The following TRIM37 variants were observed in gnomAD, a reference collection of about 807,000 sequenced individuals.
The protein encoded by TRIM37 is E3 ubiquitin-protein ligase TRIM37.
In TRIM37, 80 loss-of-function variants were observed where a neutral mutation model predicts 129.8. That is an observed-to-expected ratio of 0.62 (90% CI 0.51 to 0.74). The LOEUF is 0.74. Ranked by LOEUF, TRIM37 falls within the 30% of genes least tolerant of loss-of-function variation. The probability of loss-of-function intolerance (pLI) is 0.00; values close to 1 mark genes in which losing one functional copy is unlikely to be tolerated. For missense variants in TRIM37, 1,054 were observed against 1,176.5 expected (o/e 0.90, Z 1.52); for synonymous variants, 389 against 387.1 (o/e 1.00, Z -0.06).
chr17:59,019,470 G>A (rs1287952508), intron 19 of TRIM37, among the ~76,000 whole-genome samples: 3 of 152,216 alleles, frequency 2.0e-5, no homozygotes, highest in Non-Finnish European at 4.4e-5. Context: ...AGCACTTTGG[G>A]AGGCTGAGGT....
chr17:59,056,487 T>TGGGAGGCCGAGGC (rs2040880396), intron 13 of TRIM37, among the ~76,000 whole-genome samples: 1 of 151,848 alleles, frequency 6.6e-6, no homozygotes, highest in Non-Finnish European at 1.5e-5. Context: ...CCCAGCACTT[T>TGGGAGGCCGAGGC]GGGAGGCCGA....
At chr17:59,017,892 C>CT (rs1428254729) in intron 19 of TRIM37, among the ~76,000 whole-genome samples, 1 of 152,176 alleles carries the variant, frequency 6.6e-6, no homozygotes, top group East Asian at 1.9e-4. Context: ...TCCCAAAATG[C>CT]TGGGATTACA....
chr17:59,079,891 A>G lies in TRIM37; in HGVS notation c.493-14T>C. On this transcript the variant is annotated splice_polypyrimidine_tract_variant and intron_variant, in intron 6 of 23. Coordinates refer to ENST00000262294, the MANE Select transcript of TRIM37 (RefSeq NM_015294.6). ...TACATTCCTTTCCTAGAAGATAAAG[A>G]GGTAAGAATAATTTTAATTGGGTAA... is the stretch of plus-strand genomic sequence containing the variant. The G allele has an allele frequency of 6.2e-7, 1 of 1,613,172 alleles. No homozygotes were observed. The highest frequency in any genetic ancestry group is 8.5e-7 in the Non-Finnish European group (1 of 1,179,342).
intron 11 of TRIM37, among the ~76,000 whole-genome samples, 171 bp from the exon 12 acceptor site, chr17:59,061,279 A>AT (rs916947259): frequency 6.6e-6 from 1 of 152,124 alleles, no homozygotes; most frequent in Non-Finnish European, 1.5e-5. Flanking sequence ...ACTTTTGTGC[A>AT]TTAAAAAAAA....
chr17:59,064,318 C>T (rs1568143270), intron 10 of TRIM37, 37 bp downstream of exon 10: 5 of 1,516,450 alleles, frequency 3.3e-6, no homozygotes, highest in Non-Finnish European at 3.6e-6. Flanking sequence ...TCCTTATATA[C>T]ACATACAAAA....
chr17:59,028,803 T>C (rs2037511865), intron 18 of TRIM37, 80 bp from the exon 19 acceptor site: 1 of 1,479,710 alleles, frequency 6.8e-7, no homozygotes, highest in Non-Finnish European at 9.4e-7. Flanking sequence ...TATGCAAATT[T>C]GATGTGTAAA....
chr17:59,081,964 A>AAAAAAAATAAT (rs1568200247), intron 5 of TRIM37, among the ~76,000 whole-genome samples: 1 of 87,220 alleles, frequency 1.1e-5, no homozygotes, highest in Non-Finnish European at 2.2e-5. Context: ...AAAAAAAAAA[A>AAAAAAAATAAT]AATAATAATA....
At chr17:59,006,824 G>A (rs762112124) in intron 22 of TRIM37, among the ~76,000 whole-genome samples, 1 of 152,026 alleles carries the variant, frequency 6.6e-6, no homozygotes, top group African/African-American at 2.4e-5. Context: ...GGGAGGTGGA[G>A]GTAACAGTGA....
intron 17 of TRIM37, among the ~76,000 whole-genome samples, chr17:59,037,250 T>C (rs968812318): frequency 6.6e-6 from 1 of 152,044 alleles, no homozygotes; most frequent in Non-Finnish European, 1.5e-5. Flanking sequence ...AGCTTTTTCA[T>C]TGCCTTGGTT....
chr17:58,973,672 G>A, the TRIM37 span, among the ~76,000 whole-genome samples: 1 of 151,812 alleles, frequency 6.6e-6, no homozygotes, highest in African/African-American at 2.4e-5. Context: ...AAAAACAAAG[G>A]CCGGGCGCAG....
intron 16 of TRIM37, among the ~76,000 whole-genome samples, chr17:59,044,870 T>C (rs368407873): frequency 8.6e-5 from 13 of 152,024 alleles, no homozygotes; most frequent in African/African-American, 2.9e-4. Context: ...TGCAGTAACA[T>C]ATAAAAAGAA....
At chr17:59,096,376 ACCCCGC>A (rs1044588998) in intron 2 of TRIM37, among the ~76,000 whole-genome samples, 1 of 151,324 alleles carries the variant, frequency 6.6e-6, no homozygotes, top group African/African-American at 2.4e-5. Context: ...ACATGGTGAA[ACCCCGC>A]CTCTACTAAA....
At chr17:59,083,042 T>A (rs2043436336) in intron 5 of TRIM37, among the ~76,000 whole-genome samples, 1 of 152,214 alleles carries the variant, frequency 6.6e-6, no homozygotes, top group Non-Finnish European at 1.5e-5. Flanking sequence ...ACCTACCCAC[T>A]TCCATTTCAC....
chr17:58,974,239 T>C, the TRIM37 span, among the ~76,000 whole-genome samples: 1 of 152,222 alleles, frequency 6.6e-6, no homozygotes, highest in African/African-American at 2.4e-5. Flanking sequence ...ATTCATTTTG[T>C]TTATGCCTCT....
At chr17:58,980,503 T>G (rs369695755), downstream of TRIM37, 234 of 1,614,002 alleles carry the variant, frequency 1.4e-4, no homozygotes, top group Non-Finnish European at 1.9e-4. The surrounding 1 kb of genome is among the most constrained non-coding windows in gnomAD (Gnocchi z 4.7). Context: ...CAAGCAAACC[T>G]CACAGTGCCC....
intron 16 of TRIM37, 51 bp from the exon 17 acceptor site, chr17:59,041,949 G>A (rs942716891): frequency 7.5e-7 from 1 of 1,326,318 alleles, no homozygotes; most frequent in Non-Finnish European, 1.1e-6. Flanking sequence ...AATAAACGTT[G>A]TTTTTCACAC....
intron 19 of TRIM37, among the ~76,000 whole-genome samples, chr17:59,019,273 A>T (rs974445601): frequency 2.0e-5 from 3 of 152,258 alleles, no homozygotes; most frequent in Non-Finnish European, 4.4e-5. Flanking sequence ...TAATGAGTGG[A>T]TAAACAGTAT....
chr17:58,991,804 T>C (rs889548991), intron 24 of TRIM37, among the ~76,000 whole-genome samples: 2 of 152,190 alleles, frequency 1.3e-5, no homozygotes, highest in African/African-American at 4.8e-5. Flanking sequence ...AACTCTCATG[T>C]GCTACTGATG....
At chr17:59,034,583 C>T (rs551482348) in intron 17 of TRIM37, among the ~76,000 whole-genome samples, 1 of 152,020 alleles carries the variant, frequency 6.6e-6, no homozygotes, top group South Asian at 2.1e-4. Flanking sequence ...GGCCTTAGAA[C>T]TCCCGACCTC....
Sources: allele counts gnomAD v4.1 joint callset (sites outside exome capture counted in the v4.1 genomes callset), GRCh38; gene constraint gnomAD v4.1.1; non-coding constraint Gnocchi (gnomAD v3.1); transcripts MANE v1.5; gene names NCBI Gene and HGNC (gene_info 2026-07-23, HGNC 2026-07-21).